MINK1: variants seen among roughly 807,000 people sequenced by gnomAD.
MINK1 encodes misshapen-like kinase 1.
In MINK1, 46 loss-of-function variants were observed where a neutral mutation model predicts 178.4. The ratio of observed to expected loss-of-function variants is 0.26; its 90% CI spans 0.20 to 0.33. MINK1 has a LOEUF of 0.33. Ranked by LOEUF, MINK1 falls within the 10% of genes least tolerant of loss-of-function variation. The pLI, the probability that MINK1 is intolerant of heterozygous loss-of-function variation, is 1.00. For synonymous variants in MINK1, 797 were observed against 709.7 expected, an observed-to-expected ratio of 1.12 and a Z score of -1.96; for missense variants, 1,366 against 1,814.9, an observed-to-expected ratio of 0.75 and a Z score of 4.49.
chr17:4,881,490 C>T (rs1967696945), intron 4 of MINK1, among the ~76,000 whole-genome samples: 2 of 152,178 alleles, frequency 1.3e-5, no homozygotes, highest in African/African-American at 2.4e-5. Context: ...GGGGAGGGGT[C>T]CTGGCGTTTG....
chr17:4,895,459 G>A lies in MINK1; in HGVS notation c.3195G>A (p.Val1065=). The part of the protein sequence containing the change: ...IGRRRFQQMD[V]LEGLNLLITI... ...GGCGACGCTTCCAGCAGATGGATGT[G>A]CTGGAGGGGCTCAACCTGCTCATCA... is the stretch of plus-strand genomic sequence containing the variant. Residue 1065 remains valine (V), a synonymous_variant, in exon 26 of 32, where the codon GTG becomes GTA. Transcript: ENST00000355280. This position sits in a 1 kb window ranked among gnomAD's most constrained non-coding sequence, Gnocchi z 4.3. 7.5e-6 allele frequency: 12 copies of A among 1,599,656 alleles called. No homozygotes were observed. Among genetic ancestry groups the A allele is most frequent in the Non-Finnish European group, 1.0e-5 (12 of 1,171,820 alleles).
Position 4,885,621 on chromosome 17 carries a change from G to A in MINK1, c.639+8G>A, listed in dbSNP as rs369799854. On this transcript the variant is annotated splice_region_variant and intron_variant, in intron 7 of 31. Transcript: ENST00000355280. This position sits in a 1 kb window ranked among gnomAD's most constrained non-coding sequence, Gnocchi z 5.0. ...GCCACCTATGATTACAGGGTATGGA[G>A]TGGAAAGTTGGGAGCATGGGGGCTG... 2 of 1,613,764 alleles carry A rather than the reference G, an allele frequency of 1.2e-6. No individual in the cohort carries two copies. The highest frequency in any genetic ancestry group is 2.7e-5 in the African/African-American group (2 of 74,928).
chr17:4,833,606 G>A lies in MINK1; in HGVS notation c.23G>A (p.Arg8His). 2 of 1,499,480 alleles carry A rather than the reference G, an allele frequency of 1.3e-6. No homozygotes were observed. Among genetic ancestry groups the A allele is most frequent in the East Asian group, 2.8e-5 (1 of 35,268 alleles). The allele number at this position is 1,499,480 out of a possible 1,614,324, so 92.9% of individuals were successfully genotyped here. A position where few individuals can be genotyped will look rare whatever the true frequency, so the allele number is the denominator to read the frequency against. The change falls in exon 1 of 32, where the codon CGC (arginine) becomes CAC (histidine). Residue 8 changes from arginine to histidine, a missense_variant. By Grantham distance (29) the Arg-to-His change is conservative. Coordinates refer to ENST00000355280, the MANE Select transcript of MINK1 (RefSeq NM_153827.5). The surrounding 1 kb of genome is among the most constrained non-coding windows in gnomAD (Gnocchi z 4.8). ...GCCATGGGCGACCCAGCCCCCGCCC[G>A]CAGCCTGGACGACATCGACCTGTCC... MGDPAPA[R>H]SLDDIDLSAL...
intron 1 of MINK1, among the ~76,000 whole-genome samples, chr17:4,843,478 A>C (rs1002403679): frequency 6.7e-6 from 1 of 149,288 alleles, no homozygotes; most frequent in Non-Finnish European, 1.5e-5. Flanking sequence ...ACTCCGTCAC[A>C]AAAAAAAAAG....
chr17:4,886,361 G>A lies in MINK1; in HGVS notation c.774-90G>A. 1 of 1,520,012 alleles carries A rather than the reference G, an allele frequency of 6.6e-7. No homozygotes were observed. The highest frequency in any genetic ancestry group is 1.2e-5 in the South Asian group (1 of 82,994). 94.2% of individuals were successfully genotyped at this position (1,520,012 alleles called of 1,614,324 possible). ...GATATGAAGACAGGAGGGACGTCAA[G>A]GTGGCTTGTGGATGAATGATCCACC... On this transcript the variant is annotated intron_variant, in intron 9 of 31. Transcript: ENST00000355280. The surrounding 1 kb of genome is among the most constrained non-coding windows in gnomAD (Gnocchi z 6.1).
intron 1 of MINK1, among the ~76,000 whole-genome samples, chr17:4,877,876 T>C (rs1228388528): frequency 6.9e-6 from 1 of 145,952 alleles, no homozygotes; most frequent in Non-Finnish European, 1.5e-5. Flanking sequence ...AGTGGCGCAA[T>C]CTCAGCTCAC....
Position 4,880,971 on chromosome 17 carries a change from C to T in MINK1, c.124-13C>T. 1.3e-6 allele frequency: 2 copies of T among 1,492,912 alleles called. No homozygotes were observed. The highest frequency in any genetic ancestry group is 1.8e-6 in the Non-Finnish European group (2 of 1,124,962). The allele number at this position is 1,492,912 out of a possible 1,614,324, so 92.5% of individuals were successfully genotyped here. ...ACCCTCTGAGCATAGACTCAGATCC[C>T]TCTGTCCCGCAGGGTCGGCATGTCA... is the stretch of plus-strand genomic sequence containing the variant. On this transcript the variant is annotated splice_polypyrimidine_tract_variant and intron_variant, in intron 2 of 31. Transcript: ENST00000355280.
At chr17:4,890,846 A>G in intron 14 of MINK1, 105 bp from the exon 15 acceptor site, 1 of 1,520,998 alleles carries the variant, frequency 6.6e-7, no homozygotes, top group Non-Finnish European at 8.9e-7. Flanking sequence ...GGAAAGGAGC[A>G]CACAGCACAG....
chr17:4,885,107 T>C lies in MINK1; in HGVS notation c.508+105T>C. The C allele has an allele frequency of 1.9e-6, 2 of 1,045,448 alleles. No homozygotes were observed. Among genetic ancestry groups the C allele is most frequent in the Non-Finnish European group, 2.9e-6 (2 of 699,182 alleles). 64.8% of individuals were successfully genotyped at this position (1,045,448 alleles called of 1,614,324 possible). A position where few individuals can be genotyped will look rare whatever the true frequency, so the allele number is the denominator to read the frequency against. ...GGCTCAGGCCCAACTCCCTTCCTAC[T>C]GGGGAGGCTCACTCCCTCCCCTTTC... On this transcript the variant is annotated intron_variant, in intron 6 of 31. Coordinates refer to ENST00000355280, the MANE Select transcript of MINK1 (RefSeq NM_153827.5). This position sits in a 1 kb window ranked among gnomAD's most constrained non-coding sequence, Gnocchi z 5.0.
rs758594801 is a variant in MINK1 at position 4,894,036 on chromosome 17, C to T, written c.2613C>T (p.Val871=). Reference sequence around the variant, plus strand: ...TCAGCACCATGGTGGTCCACGACGTCGAGGAGATCACCGGGACCCAGCCCC... The same window carrying T: ...TCAGCACCATGGTGGTCCACGACGTTGAGGAGATCACCGGGACCCAGCCCC... The part of the protein sequence containing the change: ...DSVSTMVVHD[V]EEITGTQPPY... The change falls in exon 22 of 32, where the codon GTC becomes GTT. Residue 871 remains valine (V), a synonymous_variant. Coordinates refer to ENST00000355280, the MANE Select transcript of MINK1 (RefSeq NM_153827.5). The surrounding 1 kb of genome is among the most constrained non-coding windows in gnomAD (Gnocchi z 4.1). 5.0e-6 allele frequency: 8 copies of T among 1,590,888 alleles called. No individual in the cohort carries two copies. Among genetic ancestry groups the T allele is most frequent in the Non-Finnish European group, 6.0e-6 (7 of 1,168,074 alleles).
intron 1 of MINK1, among the ~76,000 whole-genome samples, chr17:4,854,563 CAGTG>C (rs1263295125): frequency 6.6e-6 from 1 of 152,204 alleles, no homozygotes; most frequent in Non-Finnish European, 1.5e-5. Flanking sequence ...ACCTGCAAGT[CAGTG>C]TGTGTGTGCA....
chr17:4,886,599 C>T lies in MINK1; in HGVS notation c.922C>T (p.Arg308Ter). The part of the protein sequence containing the change: ...VRIQLKDHID[R>*]SRKKRGEKEE... ...CATCCAGCTTAAGGACCACATTGAC[C>T]GATCCCGGAAGAAGCGGGGTGAGAA... is the stretch of plus-strand genomic sequence containing the variant. The change falls in exon 10 of 32, where the codon CGA (arginine) becomes TGA (stop). Residue 308 changes from arginine to a stop codon, truncating the protein, a stop_gained. Coordinates refer to ENST00000355280, the MANE Select transcript of MINK1 (RefSeq NM_153827.5). LOFTEE classifies it high-confidence loss of function. This position sits in a 1 kb window ranked among gnomAD's most constrained non-coding sequence, Gnocchi z 6.1. 6.2e-7 allele frequency: 1 copy of T among 1,604,950 alleles called. No homozygotes were observed. The highest frequency in any genetic ancestry group is 8.5e-7 in the Non-Finnish European group (1 of 1,175,196).
At chr17:4,839,261 T>C (rs991352928) in intron 1 of MINK1, among the ~76,000 whole-genome samples, 1 of 152,184 alleles carries the variant, frequency 6.6e-6, no homozygotes, top group Non-Finnish European at 1.5e-5. Flanking sequence ...TTTTCTTAAC[T>C]GTTACTGTTT....
At chr17:4,878,769 G>C (rs566291372) in intron 2 of MINK1, among the ~76,000 whole-genome samples, 1 of 152,224 alleles carries the variant, frequency 6.6e-6, no homozygotes, top group Admixed American at 6.5e-5. Context: ...CTTTGAGGTA[G>C]TGGGACCTAA....
chr17:4,853,029 GA>G (rs1443766869), intron 1 of MINK1, among the ~76,000 whole-genome samples: 1 of 9,188 alleles, frequency 1.1e-4, no homozygotes. Flanking sequence ...GGTTGGTGGG[GA>G]GAGTGTGGTT....
At position 4,895,298 on chromosome 17, in the gene MINK1, T is replaced by A; in HGVS notation, c.3086-52T>A. 8 of 1,608,804 alleles carry A rather than the reference T, an allele frequency of 5.0e-6. No homozygotes were observed. Among genetic ancestry groups the A allele is most frequent in the Non-Finnish European group, 6.0e-6 (7 of 1,176,366 alleles). On this transcript the variant is annotated intron_variant, in intron 25 of 31. Coordinates refer to ENST00000355280, the MANE Select transcript of MINK1 (RefSeq NM_153827.5). This position sits in a 1 kb window ranked among gnomAD's most constrained non-coding sequence, Gnocchi z 4.3. ...TCTGGCGTGGCTCTTGTGCTCCTGG[T>A]TAGGTGAGGGCCTGGCTGAGCCTCT...
chr17:4,849,701 A>G (rs1026976071), intron 1 of MINK1, among the ~76,000 whole-genome samples: 1 of 152,070 alleles, frequency 6.6e-6, no homozygotes, highest in African/African-American at 2.4e-5. Flanking sequence ...CCTCCCGAGT[A>G]GCTGGGATTA....
chr17:4,894,934 C>G lies in MINK1; in HGVS notation c.2918-141C>G. 1 of 918,028 alleles carries G rather than the reference C, an allele frequency of 1.1e-6. No individual in the cohort carries two copies. The highest frequency in any genetic ancestry group is 1.6e-6 in the Non-Finnish European group (1 of 611,780). The allele number at this position is 918,028 out of a possible 1,614,324, so 56.9% of individuals were successfully genotyped here. ...CAAGTCCAGCACTCTATCCCCCTCTCCCATGCACCTCCTCTCCTCCTGTCT... is the reference window on the plus strand; with the variant it reads ...CAAGTCCAGCACTCTATCCCCCTCTGCCATGCACCTCCTCTCCTCCTGTCT... On this transcript the variant is annotated intron_variant, in intron 24 of 31. Transcript: ENST00000355280. The surrounding 1 kb of genome is among the most constrained non-coding windows in gnomAD (Gnocchi z 4.1).
intron 1 of MINK1, among the ~76,000 whole-genome samples, chr17:4,849,793 G>A (rs546059155): frequency 5.9e-5 from 9 of 151,880 alleles, no homozygotes; most frequent in South Asian, 2.1e-4. Context: ...GGCTAGTCTC[G>A]AACTCCCGGC....
Sources: gnomAD v4.1 joint callset for allele counts (sites outside exome capture counted in the v4.1 genomes callset) on GRCh38, gnomAD v4.1.1 for gene constraint, Gnocchi (gnomAD v3.1) non-coding constraint, MANE v1.5 for transcripts, NCBI Gene and HGNC (gene_info 2026-07-23, HGNC 2026-07-21) for gene names.